Variants in LYPD6 observed in about 807,000 individuals in gnomAD.
LYPD6 encodes the protein LY6/PLAUR domain containing 6, also known as ly6/PLAUR domain-containing protein 6.
Under a neutral mutation model 22.7 loss-of-function variants are expected in LYPD6, and 15 were observed. The ratio of observed to expected loss-of-function variants is 0.66; its 90% confidence interval spans 0.44 to 1.02. The LOEUF (loss-of-function observed/expected upper bound fraction) is 1.02, where lower values mean the gene tolerates loss of function less well. Ranked by LOEUF, LYPD6 falls within the 50% of genes least tolerant of loss-of-function variation. The probability of loss-of-function intolerance (pLI) is 0.00; values close to 1 mark genes in which losing one functional copy is unlikely to be tolerated. For missense variants in LYPD6, 189 were observed against 208.4 expected, an observed-to-expected ratio of 0.91 and a Z score of 0.57; for synonymous variants, 72 against 77.5, an observed-to-expected ratio of 0.93 and a Z score of 0.37.
intron 3 of LYPD6, among the ~76,000 whole-genome samples, chr2:149,454,601 T>C (rs1680908538): frequency 6.6e-6 from 1 of 152,102 alleles, no homozygotes; most frequent in Non-Finnish European, 1.5e-5. Flanking sequence ...GCTAGGTCTT[T>C]CTCAGAAGTG....
At chr2:149,346,142 C>A (rs1681251560) in intron 1 of LYPD6, among the ~76,000 whole-genome samples, 1 of 152,020 alleles carries the variant, frequency 6.6e-6, no homozygotes, top group Non-Finnish European at 1.5e-5. Flanking sequence ...ACTTTTATTC[C>A]AGTAATGTAG....
intron 1 of LYPD6, among the ~76,000 whole-genome samples, chr2:149,340,643 G>C (rs987768155): frequency 3.9e-5 from 6 of 152,164 alleles, no homozygotes; most frequent in Non-Finnish European, 7.3e-5. Context: ...GGCATCATTT[G>C]CTTCAGCTGT....
At chr2:149,486,239 G>A in the LYPD6 span, among the ~76,000 whole-genome samples, 1 of 152,098 alleles carries the variant, frequency 6.6e-6, no homozygotes, top group African/African-American at 2.4e-5. Flanking sequence ...GATTATTAAT[G>A]ATCCTTTCAA....
chr2:149,425,951 G>A (rs1683180090), intron 1 of LYPD6, among the ~76,000 whole-genome samples: 1 of 152,278 alleles, frequency 6.6e-6, no homozygotes, highest in Non-Finnish European at 1.5e-5. Flanking sequence ...TGTAGCTGAA[G>A]GTATTAATCA....
chr2:149,386,838 T>G (rs1328327673), intron 1 of LYPD6, among the ~76,000 whole-genome samples: 2 of 152,150 alleles, frequency 1.3e-5, no homozygotes, highest in Non-Finnish European at 2.9e-5. Flanking sequence ...CACTACCTCT[T>G]GAGTATAGAC....
chr2:149,383,820 T>C (rs1476072276), intron 1 of LYPD6, among the ~76,000 whole-genome samples: 4 of 152,216 alleles, frequency 2.6e-5, no homozygotes, highest in South Asian at 2.1e-4. Context: ...TCCCTACATA[T>C]GGTGTGTTTG....
chr2:149,370,628 C>T (rs937141216), intron 1 of LYPD6: 1 of 152,118 alleles, frequency 6.6e-6, no homozygotes, highest in East Asian at 1.9e-4. Flanking sequence ...GTGAGTAGTA[C>T]ACTTCTCTTG....
At chr2:149,449,814 T>C (rs1330517244) in intron 3 of LYPD6, among the ~76,000 whole-genome samples, 1 of 152,216 alleles carries the variant, frequency 6.6e-6, no homozygotes, top group Non-Finnish European at 1.5e-5. Flanking sequence ...ATTTATTTGG[T>C]GGGGGTAGAG....
chr2:149,382,130 A>C (rs923700898), intron 1 of LYPD6, among the ~76,000 whole-genome samples: 6 of 152,220 alleles, frequency 3.9e-5, no homozygotes, highest in East Asian at 1.9e-4. Context: ...CCTTCTTAAT[A>C]GGAAAAACAT....
intron 1 of LYPD6, among the ~76,000 whole-genome samples, chr2:149,349,722 A>T (rs1681324510): frequency 6.6e-6 from 1 of 152,196 alleles, no homozygotes; most frequent in South Asian, 2.1e-4. Flanking sequence ...AGTAACTTGA[A>T]ACTGACATGT....
chr2:149,448,402 C>G (rs1032264243), intron 2 of LYPD6, among the ~76,000 whole-genome samples: 3 of 152,320 alleles, frequency 2.0e-5, no homozygotes, highest in South Asian at 2.1e-4. Flanking sequence ...TAATTTTACT[C>G]TGTGTGTGTA....
chr2:149,384,318 C>A (rs1054428051), intron 1 of LYPD6, among the ~76,000 whole-genome samples: 1 of 152,354 alleles, frequency 6.6e-6, no homozygotes, highest in East Asian at 1.9e-4. Flanking sequence ...ATTCTTATCA[C>A]AAACTCCTGG....
chr2:149,331,672 G>A (rs1303163331), intron 1 of LYPD6, among the ~76,000 whole-genome samples: 1 of 152,104 alleles, frequency 6.6e-6, no homozygotes, highest in African/African-American at 2.4e-5. Flanking sequence ...AGGGTCTTTG[G>A]TAGTCACTTG....
At chr2:149,467,954 C>T (rs1681239829) in intron 3 of LYPD6, among the ~76,000 whole-genome samples, 1 of 152,080 alleles carries the variant, frequency 6.6e-6, no homozygotes, top group Admixed American at 6.6e-5. Flanking sequence ...CCATCATGGT[C>T]TTCATCTGTT....
At chr2:149,357,828 C>T (rs1456755819) in intron 1 of LYPD6, among the ~76,000 whole-genome samples, 1 of 149,526 alleles carries the variant, frequency 6.7e-6, no homozygotes, top group Non-Finnish European at 1.5e-5. Flanking sequence ...CTCTGTTGCC[C>T]AGGCTGGAGT....
chr2:149,481,198 A>G, the LYPD6 span, among the ~76,000 whole-genome samples: 1 of 152,226 alleles, frequency 6.6e-6, no homozygotes, highest in Non-Finnish European at 1.5e-5. Context: ...AGGAAGAAAG[A>G]GTAAGGGGCA....
chr2:149,468,024 A>G lies in LYPD6; in HGVS notation c.218-621A>G, dbSNP rs1681241078. ...AACGAAGCTCCTCAATTTTGGAAAA[A>G]TGTTCATTATTGTTTCAGTCTTCGT... On this transcript the variant is annotated intron_variant, in intron 3 of 4. Coordinates refer to ENST00000334166, the MANE Select transcript of LYPD6 (RefSeq NM_194317.5). Among the ~76,000 whole-genome samples the G allele has an allele frequency of 2.0e-5, 3 of 152,148 alleles. No individual in the cohort carries two copies. The South Asian group carries it at 6.2e-4, about 32-fold the overall frequency.
At chr2:149,365,707 TAAG>T (rs978615771) in intron 1 of LYPD6, among the ~76,000 whole-genome samples, 9 of 152,206 alleles carry the variant, frequency 5.9e-5, no homozygotes, top group Non-Finnish European at 1.3e-4. Context: ...ATTAAACTGA[TAAG>T]AACAGCTACT....
At chr2:149,368,352 T>C (rs933507935) in intron 1 of LYPD6, among the ~76,000 whole-genome samples, 3 of 152,002 alleles carry the variant, frequency 2.0e-5, no homozygotes, top group Non-Finnish European at 2.9e-5. Context: ...GGATGGAGTT[T>C]AGGGGACTTC....
Sources: allele counts gnomAD v4.1 joint callset (sites outside exome capture counted in the v4.1 genomes callset), GRCh38; gene constraint gnomAD v4.1.1; transcripts MANE v1.5; gene names NCBI Gene and HGNC (gene_info 2026-07-23, HGNC 2026-07-21).